SOBP: variants seen among roughly 807,000 people sequenced by gnomAD.
SOBP encodes sine oculis binding protein homolog, also known as sine oculis-binding protein homolog.
SOBP carries 4 observed loss-of-function variants against 53.6 expected under a neutral mutation model. That is an observed-to-expected ratio of 0.07 (90% CI 0.04 to 0.17). The LOEUF is 0.17. Among genes scored for constraint, SOBP ranks in the 10% least tolerant of loss-of-function variants. The pLI is 1.00. For synonymous variants in SOBP, 584 were observed against 522.6 expected, an observed-to-expected ratio of 1.12 and a Z score of -1.60; for missense variants, 1,088 against 1,204.7, an observed-to-expected ratio of 0.90 and a Z score of 1.43.
chr6:107,602,813 AAT>A (rs1033689799), intron 5 of SOBP, among the ~76,000 whole-genome samples: 6 of 152,228 alleles, frequency 3.9e-5, no homozygotes, highest in African/African-American at 1.4e-4. Flanking sequence ...TTTTAAGCAA[AAT>A]AAGCTTTTGA....
rs189105585 is a variant in SOBP, at chr6:107,560,614, G to A, written c.574-26466G>A. ...AAAGTTTTCACTATATTAGATACTG[G>A]GCTAAGCATTTTATATTGTTTAAGC... On this transcript the variant is annotated intron_variant, in intron 4 of 6. Coordinates refer to ENST00000317357, the MANE Select transcript of SOBP (RefSeq NM_018013.4). 2.6e-5 allele frequency among the ~76,000 whole-genome samples: 4 copies of A among 152,200 alleles called. No homozygotes were observed. The East Asian group carries it at 7.7e-4, about 29-fold the overall frequency.
chr6:107,533,940 G>C (rs1783918329), intron 4 of SOBP, among the ~76,000 whole-genome samples: 1 of 152,174 alleles, frequency 6.6e-6, no homozygotes, highest in African/African-American at 2.4e-5. Context: ...ATAAGTGGTA[G>C]ATATTTCTTT....
intron 4 of SOBP, among the ~76,000 whole-genome samples, chr6:107,576,113 C>A (rs1785216904): frequency 6.6e-6 from 1 of 152,180 alleles, no homozygotes; most frequent in Non-Finnish European, 1.5e-5. Flanking sequence ...CCTCCGTTAA[C>A]AGGTCAAGTG....
chr6:107,508,472 G>A (rs562092427), intron 3 of SOBP, among the ~76,000 whole-genome samples: 25 of 152,244 alleles, frequency 1.6e-4, no homozygotes, highest in African/African-American at 5.8e-4. Flanking sequence ...CCAGCTACTC[G>A]GGAGGCTGAG....
chr6:107,652,015 A>G (rs1287194084), intron 6 of SOBP, among the ~76,000 whole-genome samples: 1 of 152,232 alleles, frequency 6.6e-6, no homozygotes, highest in African/African-American at 2.4e-5. Flanking sequence ...TGGTCATCCA[A>G]GAGCTCTGAT....
chr6:107,621,232 T>A, intron 5 of SOBP: 4 of 397,848 alleles, frequency 1.0e-5, no homozygotes, highest in Non-Finnish European at 1.0e-5. Flanking sequence ...TCACACCATT[T>A]AACAGTTCAG....
At chr6:107,598,505 C>A (rs1009483264) in intron 5 of SOBP, among the ~76,000 whole-genome samples, 5 of 152,090 alleles carry the variant, frequency 3.3e-5, no homozygotes, top group African/African-American at 1.2e-4. Flanking sequence ...CCTGTGCTAG[C>A]GTCATTCTGT....
At chr6:107,597,569 T>C (rs1456569111) in intron 5 of SOBP, among the ~76,000 whole-genome samples, 2 of 152,220 alleles carry the variant, frequency 1.3e-5, no homozygotes, top group African/African-American at 2.4e-5. Context: ...TTAACTCATC[T>C]CAAACATTTA....
chr6:107,635,121 G>T lies in SOBP; in HGVS notation c.2277G>T (p.Ser759=), dbSNP rs1330847266. 6 of 1,612,370 alleles carry T rather than the reference G, an allele frequency of 3.7e-6. No homozygotes were observed. The highest frequency in any genetic ancestry group is 5.1e-6 in the Non-Finnish European group (6 of 1,179,446). ...CCGCGCCCCCCAAGAAGCTGCTGTCGCCTGAGGAACCGGCGGTGAGCGAGC... is the reference window on the plus strand; with the variant it reads ...CCGCGCCCCCCAAGAAGCTGCTGTCTCCTGAGGAACCGGCGGTGAGCGAGC... ...PPPAPPKKLL[S]PEEPAVSELE... The change falls in exon 6 of 7, where the codon TCG becomes TCT. Residue 759 remains serine, a synonymous_variant. Coordinates refer to ENST00000317357, the MANE Select transcript of SOBP (RefSeq NM_018013.4). This position sits in a 1 kb window ranked among gnomAD's most constrained non-coding sequence, Gnocchi z 4.5.
chr6:107,655,960 G>A (rs1331358907), intron 6 of SOBP, among the ~76,000 whole-genome samples: 1 of 152,182 alleles, frequency 6.6e-6, no homozygotes, highest in Non-Finnish European at 1.5e-5. Flanking sequence ...AAATGGCGGT[G>A]TTTCCCAGTT....
intron 5 of SOBP, among the ~76,000 whole-genome samples, chr6:107,606,510 A>C (rs1457094514): frequency 6.6e-6 from 1 of 152,202 alleles, no homozygotes; most frequent in African/African-American, 2.4e-5. Context: ...CAGGAAGTTC[A>C]GCCCCCTTCT....
intron 6 of SOBP, among the ~76,000 whole-genome samples, chr6:107,638,272 G>A (rs1023252677): frequency 5.3e-5 from 8 of 152,054 alleles, no homozygotes; most frequent in East Asian, 1.9e-4. Context: ...GCGCAGTGGC[G>A]CGACCTTGGC....
chr6:107,581,476 T>G (rs1785401084), intron 4 of SOBP, among the ~76,000 whole-genome samples: 1 of 152,162 alleles, frequency 6.6e-6, no homozygotes, highest in South Asian at 2.1e-4. Flanking sequence ...GACCTCCCTA[T>G]GTTGTTCCCA....
rs768432730 is a variant in SOBP, at chr6:107,634,170, A to G, written c.1326A>G (p.Arg442=). 1 of 1,610,210 alleles carries G rather than the reference A, an allele frequency of 6.2e-7. No homozygotes were observed. Among genetic ancestry groups the G allele is most frequent in the South Asian group, 1.1e-5 (1 of 90,992 alleles). The change falls in exon 6 of 7, where the codon AGA becomes AGG. Residue 442 remains arginine (R), a synonymous_variant. Coordinates refer to ENST00000317357, the MANE Select transcript of SOBP (RefSeq NM_018013.4). The surrounding 1 kb of genome is among the most constrained non-coding windows in gnomAD (Gnocchi z 4.5). Reference sequence around the variant, plus strand: ...TCGGGCCCCCGCCCGGTGGCCCCAGAAACCTGGGCCCCACTTCCAGCCCCA... The same window carrying G: ...TCGGGCCCCCGCCCGGTGGCCCCAGGAACCTGGGCCCCACTTCCAGCCCCA... ...PGIGPPPGGP[R]NLGPTSSPMH...
At chr6:107,520,917 G>C (rs1331180368) in intron 3 of SOBP, among the ~76,000 whole-genome samples, 1 of 152,008 alleles carries the variant, frequency 6.6e-6, no homozygotes, top group African/African-American at 2.4e-5. Context: ...CCCATACACA[G>C]ACCTGTCATC....
chr6:107,510,278 T>G (rs1783130869), intron 3 of SOBP, among the ~76,000 whole-genome samples: 1 of 152,202 alleles, frequency 6.6e-6, no homozygotes, highest in Admixed American at 6.5e-5. Context: ...ATTTGCTGCT[T>G]GTGCTAAGGT....
chr6:107,624,806 T>C (rs1221285736), intron 5 of SOBP, among the ~76,000 whole-genome samples: 1 of 152,220 alleles, frequency 6.6e-6, no homozygotes, highest in Non-Finnish European at 1.5e-5. Flanking sequence ...CCAAGCTTGC[T>C]GTGGGAGATA....
chr6:107,545,735 G>GT (rs1185374100), intron 4 of SOBP, among the ~76,000 whole-genome samples: 6 of 151,972 alleles, frequency 3.9e-5, no homozygotes, highest in African/African-American at 1.5e-4. Flanking sequence ...CTGTGAACCA[G>GT]GGACTGCAGT....
At chr6:107,587,259 C>T (rs1785595716) in intron 5 of SOBP, 84 bp downstream of exon 5, 2 of 1,044,898 alleles carry the variant, frequency 1.9e-6, no homozygotes, top group East Asian at 4.8e-5. Context: ...TTCATGATTA[C>T]ATAATTGATG....
Sources: allele counts gnomAD v4.1 joint callset (sites outside exome capture counted in the v4.1 genomes callset), GRCh38; gene constraint gnomAD v4.1.1; non-coding constraint Gnocchi (gnomAD v3.1); transcripts MANE v1.5; gene names NCBI Gene and HGNC (gene_info 2026-07-23, HGNC 2026-07-21).